Variants in GREB1 observed in about 807,000 individuals in gnomAD.
The protein encoded by GREB1 is growth regulating estrogen receptor binding 1, also known as protein GREB1.
Under a neutral mutation model 200.7 loss-of-function variants are expected in GREB1, and 106 were observed. That is an observed-to-expected ratio of 0.53 (90% confidence interval 0.45 to 0.62). GREB1 has a LOEUF of 0.62. Among genes scored for constraint, GREB1 ranks in the 20% least tolerant of loss-of-function variants. The pLI is 0.00. For synonymous variants in GREB1, 1,132 were observed against 1,092.4 expected, an observed-to-expected ratio of 1.04 and a Z score of -0.72; for missense variants, 2,243 against 2,556.8, an observed-to-expected ratio of 0.88 and a Z score of 2.65.
At chr2:11,620,358 A>T (rs986219571) in intron 22 of GREB1, among the ~76,000 whole-genome samples, 1 of 152,186 alleles carries the variant, frequency 6.6e-6, no homozygotes, top group Non-Finnish European at 1.5e-5. Flanking sequence ...ACCAAAATGG[A>T]CTAAGATTAA....
intron 16 of GREB1, among the ~76,000 whole-genome samples, chr2:11,601,520 C>T (rs1361408754): frequency 6.6e-6 from 1 of 152,154 alleles, no homozygotes; most frequent in Non-Finnish European, 1.5e-5. Flanking sequence ...CTAAAACAAT[C>T]CTGGTAATTT....
chr2:11,607,595 T>TAC lies in GREB1; in HGVS notation c.2667-3092_2667-3091insCA, dbSNP rs1553373778. On this transcript the variant is annotated intron_variant, in intron 17 of 32. Transcript: ENST00000381486. ...ATATACACATATATACATATATACA[T>TAC]ATATATACATATATACACATATATG... 1.5e-4 allele frequency among the ~76,000 whole-genome samples: 20 copies of TAC among 136,480 alleles called. 1 individual carries two copies. In the East Asian group the frequency reaches 3.8e-3, roughly 26 times the overall value. The allele number at this position is 136,480 out of a possible 152,430, so 89.5% of individuals were successfully genotyped here. A position where few individuals can be genotyped will look rare whatever the true frequency, so the allele number is the denominator to read the frequency against.
In GREB1 at chr2:11,633,965, G is replaced by A. The variant is rs1437540926; in HGVS notation, c.4992-166G>A. On this transcript the variant is annotated intron_variant, in intron 28 of 32. Transcript: ENST00000381486. The surrounding 1 kb of genome is among the most constrained non-coding windows in gnomAD (Gnocchi z 4.1). ...CAGCACATAGCAGAAATGAGCGCCC[G>A]TGGGAAGCGCCCAGCAGGGTGCCTG... is the stretch of plus-strand genomic sequence containing the variant. 3.3e-5 allele frequency among the ~76,000 whole-genome samples: 5 copies of A among 152,228 alleles called. No homozygotes were observed. The highest frequency in any genetic ancestry group is 7.3e-5 in the Non-Finnish European group (5 of 68,040).
intron 1 of GREB1, among the ~76,000 whole-genome samples, chr2:11,516,527 T>C (rs1330407784): frequency 2.0e-5 from 3 of 152,160 alleles, no homozygotes; most frequent in African/African-American, 7.2e-5. Flanking sequence ...GTGTTTCCAT[T>C]TGGCCTCGGG....
rs771859602 is a variant in GREB1, at chr2:11,637,691, G to T, written c.5347-25G>T. 1.9e-6 allele frequency: 3 copies of T among 1,609,080 alleles called. No individual in the cohort carries two copies. In the South Asian group the frequency reaches 3.3e-5, roughly 18 times the overall value. ...GTCCTCGCCCCTCAGGGCAGTAGTG[G>T]CCTGACACCCCCCTTCCCGTGCAGG... On this transcript the variant is annotated intron_variant, in intron 30 of 32. Transcript: ENST00000381486.
chr2:11,521,014 T>C (rs10929751), intron 1 of GREB1, among the ~76,000 whole-genome samples: 106,005 of 152,080 alleles, frequency 0.7, 37,016 homozygotes, highest in East Asian at 0.78. Context: ...CCCTCTGCCG[T>C]GTGGGCTCCA....
In GREB1 at chr2:11,548,816, T is replaced by C. The variant is rs13023045; in HGVS notation, c.-161-7638T>C. 0.011 allele frequency among the ~76,000 whole-genome samples: 1,654 copies of C among 152,344 alleles called. 15 individuals carry two copies. The highest frequency in any genetic ancestry group is 0.017 in the Non-Finnish European group (1,188 of 68,032). On this transcript the variant is annotated intron_variant, in intron 1 of 32. Coordinates refer to ENST00000381486, the MANE Select transcript of GREB1 (RefSeq NM_014668.4). This position sits in a 1 kb window ranked among gnomAD's most constrained non-coding sequence, Gnocchi z 5.1. ...TTCTTGAGAAAGTGAACTTGGGAGA[T>C]AAATTGCTTTGAGATTTTGCATTTC...
rs80249968 is a variant in GREB1, at chr2:11,493,511, A to T, written c.-159+11130A>T. Among the ~76,000 whole-genome samples, 1,969 of 152,038 alleles carry T rather than the reference A, an allele frequency of 0.013. 46 individuals carry two copies. Among genetic ancestry groups the T allele is most frequent in the African/African-American group, 0.046 (1,899 of 41,432 alleles). On this transcript the variant is annotated intron_variant, in intron 1 of 2. Transcript: ENST00000628795. The surrounding 1 kb of genome is among the most constrained non-coding windows in gnomAD (Gnocchi z 4.6). ...GGGAGCGACTGTAAATACAGATGAA[A>T]CTTCTCTTGCCCACCGCTCACCTCC...
chr2:11,540,780 A>G (rs910806295), intron 1 of GREB1: 4 of 153,868 alleles, frequency 2.6e-5, no homozygotes, highest in Non-Finnish European at 4.4e-5. Flanking sequence ...CAAAGAGTTT[A>G]TAGGAGACCA....
rs1679364862 is a variant in GREB1 at position 11,580,561 on chromosome 2, C to G, written c.773-143C>G. On this transcript the variant is annotated intron_variant, in intron 6 of 32. Transcript: ENST00000381486. The surrounding 1 kb of genome is among the most constrained non-coding windows in gnomAD (Gnocchi z 4.5). Reference sequence around the variant, plus strand: ...GTATCTTCTCAGTGTAGCAGAATCACTGTTGGGCATTCTGACCTCCTGATG... The same window carrying G: ...GTATCTTCTCAGTGTAGCAGAATCAGTGTTGGGCATTCTGACCTCCTGATG... 1 of 856,336 alleles carries G rather than the reference C, an allele frequency of 1.2e-6. No individual in the cohort carries two copies. Among genetic ancestry groups the G allele is most frequent in the Admixed American group, 2.2e-5 (1 of 44,542 alleles). The allele number at this position is 856,336 out of a possible 1,614,324, so 53.0% of individuals were successfully genotyped here. A position where few individuals can be genotyped will look rare whatever the true frequency, so the allele number is the denominator to read the frequency against.
At chr2:11,483,508 T>C (rs1019412368) in intron 1 of GREB1, among the ~76,000 whole-genome samples, 1 of 151,764 alleles carries the variant, frequency 6.6e-6, no homozygotes, top group African/African-American at 2.4e-5. Context: ...GGCAGCCACA[T>C]GTCCCCAGCA....
At chr2:11,579,646 T>C (rs1471897769) in intron 6 of GREB1, among the ~76,000 whole-genome samples, 2 of 152,206 alleles carry the variant, frequency 1.3e-5, no homozygotes, top group African/African-American at 4.8e-5. Flanking sequence ...GTGGTGGAAC[T>C]GGCTCAAACA....
chr2:11,544,821 G>GT (rs1383831799), intron 1 of GREB1, among the ~76,000 whole-genome samples: 1 of 151,862 alleles, frequency 6.6e-6, no homozygotes, highest in Non-Finnish European at 1.5e-5. Flanking sequence ...GTTTGTTTGT[G>GT]TTTTTTTAAT....
intron 18 of GREB1, 50 bp downstream of exon 18, chr2:11,611,077 A>G (rs2148309007): frequency 4.2e-6 from 6 of 1,421,698 alleles, no homozygotes; most frequent in Non-Finnish European, 5.7e-6. Flanking sequence ...TACCTGGGAG[A>G]GCTGAGGGGC....
rs147363658 is a variant in GREB1 at position 11,490,835 on chromosome 2, C to A, written c.-159+8454C>A. Reference sequence around the variant, plus strand: ...AAGTGTTGGGATTACAGGGGTGAGCCACCACACCCGGCCTTGGAAATGTGT... The same window carrying A: ...AAGTGTTGGGATTACAGGGGTGAGCAACCACACCCGGCCTTGGAAATGTGT... On this transcript the variant is annotated intron_variant, in intron 1 of 2. Transcript: ENST00000628795. Among the ~76,000 whole-genome samples, 784 of 152,336 alleles carry A rather than the reference C, an allele frequency of 5.1e-3. 4 individuals carry two copies. Among genetic ancestry groups the A allele is most frequent in the African/African-American group, 0.018 (743 of 41,584 alleles).
chr2:11,538,511 T>G (rs1674404616), intron 1 of GREB1, among the ~76,000 whole-genome samples: 1 of 152,174 alleles, frequency 6.6e-6, no homozygotes, highest in South Asian at 2.1e-4. Flanking sequence ...TCATGATTTA[T>G]TTTCTTTCCT....
intron 1 of GREB1, among the ~76,000 whole-genome samples, chr2:11,495,952 A>G (rs1672874149): frequency 6.6e-6 from 1 of 151,794 alleles, no homozygotes; most frequent in Non-Finnish European, 1.5e-5. Flanking sequence ...CGTAACGGCA[A>G]CCCCGTTTTC....
At chr2:11,608,503 T>C (rs1198923083) in intron 17 of GREB1, among the ~76,000 whole-genome samples, 1 of 152,234 alleles carries the variant, frequency 6.6e-6, no homozygotes, top group Non-Finnish European at 1.5e-5. Flanking sequence ...GATATATTTG[T>C]ATGTCTATAA....
At chr2:11,521,734 T>C (rs945481702) in intron 1 of GREB1, among the ~76,000 whole-genome samples, 1 of 152,228 alleles carries the variant, frequency 6.6e-6, no homozygotes, top group Admixed American at 6.5e-5. Context: ...ATAAATCTAC[T>C]TGAAAATCTT....
Sources: allele counts gnomAD v4.1 joint callset (sites outside exome capture counted in the v4.1 genomes callset), GRCh38; gene constraint gnomAD v4.1.1; non-coding constraint Gnocchi (gnomAD v3.1); transcripts MANE v1.5; gene names NCBI Gene and HGNC (gene_info 2026-07-23, HGNC 2026-07-21).